The following CD48 variants were observed in gnomAD, a reference collection of about 807,000 sequenced individuals.
CD48 encodes the protein CD48 molecule, also known as CD48 antigen.
A neutral mutation model predicts 22.0 loss-of-function variants in CD48; 20 were observed. The observed-to-expected ratio is 0.91, with a 90% CI of 0.64 to 1.32. CD48 has a LOEUF of 1.32. Ranked by LOEUF, CD48 falls within the 40% of genes most tolerant of loss-of-function variation. CD48 has a pLI of 0.00. For synonymous variants in CD48, 110 were observed against 110.1 expected, an observed-to-expected ratio of 1.00 and a Z score of 0.01; for missense variants, 307 against 286.5, an observed-to-expected ratio of 1.07 and a Z score of -0.52.
In CD48 at chr1:160,681,184, C is replaced by T. The variant is rs267598123; in HGVS notation, c.652+18G>A. On this transcript the variant is annotated intron_variant, in intron 3 of 3. Transcript: ENST00000368046. ...CAGTTACCCTGTGCCCCCCTCAGCT[C>T]CCAGGGATCCTTCTTACCCAGGGTA... The T allele has an allele frequency of 1.2e-6, 2 of 1,614,026 alleles. No individual in the cohort carries two copies. Among genetic ancestry groups the T allele is most frequent in the East Asian group, 2.2e-5 (1 of 44,884 alleles).
chr1:160,708,085 G>C (rs1467598531), intron 1 of CD48, among the ~76,000 whole-genome samples: 1 of 152,176 alleles, frequency 6.6e-6, no homozygotes, highest in Non-Finnish European at 1.5e-5. Flanking sequence ...TGAATTTGGG[G>C]GTTGAGAATG....
chr1:160,704,618 G>A (rs1009347327), intron 1 of CD48, among the ~76,000 whole-genome samples: 1 of 152,204 alleles, frequency 6.6e-6, no homozygotes, highest in Non-Finnish European at 1.5e-5. Context: ...TATTGTGGAA[G>A]CACGAAGGCA....
intron 1 of CD48, among the ~76,000 whole-genome samples, chr1:160,685,703 A>C (rs1661973108): frequency 6.6e-6 from 1 of 152,212 alleles, no homozygotes; most frequent in East Asian, 1.9e-4. Context: ...GACTATAATA[A>C]AGGTAACGTG....
chr1:160,688,644 C>T (rs1662084826), intron 1 of CD48, among the ~76,000 whole-genome samples: 1 of 152,240 alleles, frequency 6.6e-6, no homozygotes, highest in South Asian at 2.1e-4. Flanking sequence ...AATAGTTTTC[C>T]CTTCCCATAC....
chr1:160,683,057 C>T (rs1661865113), intron 2 of CD48, among the ~76,000 whole-genome samples: 1 of 152,228 alleles, frequency 6.6e-6, no homozygotes, highest in South Asian at 2.1e-4. Flanking sequence ...TGAAGCTGAT[C>T]TCAGATCGCT....
At chr1:160,709,516 G>T (rs2102444327) in intron 1 of CD48, among the ~76,000 whole-genome samples, 1 of 152,286 alleles carries the variant, frequency 6.6e-6, no homozygotes, top group African/African-American at 2.4e-5. Flanking sequence ...CTCATTTCTA[G>T]TACAATACTC....
chr1:160,698,991 A>T (rs1386846676), intron 1 of CD48: 1 of 152,204 alleles, frequency 6.6e-6, no homozygotes, highest in Non-Finnish European at 1.5e-5. Flanking sequence ...AGAGACAGTG[A>T]CATCGAGAAC....
At chr1:160,694,451 A>G (rs9730047) in intron 1 of CD48, among the ~76,000 whole-genome samples, 45,369 of 148,572 alleles carry the variant, frequency 0.31, 7,712 homozygotes, top group Non-Finnish European at 0.39. Context: ...ACTTGTCGGC[A>G]TAGTCACAGC....
At chr1:160,689,341 G>A (rs1451192224) in intron 1 of CD48, among the ~76,000 whole-genome samples, 1 of 151,296 alleles carries the variant, frequency 6.6e-6, no homozygotes, top group Non-Finnish European at 1.5e-5. Context: ...CATCTATCTA[G>A]GTGAGAGGTC....
At chr1:160,690,115 T>G (rs1662154285) in intron 1 of CD48, among the ~76,000 whole-genome samples, 1 of 152,224 alleles carries the variant, frequency 6.6e-6, no homozygotes, top group African/African-American at 2.4e-5. Context: ...CCTTGAGGAT[T>G]GTAAGGGATT....
At chr1:160,701,860 C>T (rs1343241397) in intron 1 of CD48, among the ~76,000 whole-genome samples, 3 of 152,118 alleles carry the variant, frequency 2.0e-5, no homozygotes, top group Non-Finnish European at 4.4e-5. Flanking sequence ...ACAGAAACTT[C>T]GGCACCAGTA....
At chr1:160,686,978 G>T (rs919950026) in intron 1 of CD48, among the ~76,000 whole-genome samples, 1 of 152,174 alleles carries the variant, frequency 6.6e-6, no homozygotes, top group African/African-American at 2.4e-5. Flanking sequence ...TATTAGGCAG[G>T]AGTTTTCTCT....
chr1:160,688,356 C>T (rs542873987), intron 1 of CD48, among the ~76,000 whole-genome samples: 1 of 152,252 alleles, frequency 6.6e-6, no homozygotes, highest in East Asian at 1.9e-4. Context: ...TTCGCAAGGT[C>T]TAGGTAAAGT....
At chr1:160,684,706 G>T in intron 2 of CD48, 181 bp downstream of exon 2, 1 of 1,508,290 alleles carries the variant, frequency 6.6e-7, no homozygotes, top group Non-Finnish European at 8.9e-7. Context: ...TTGTTAATTT[G>T]GATATCTGTT....
intron 1 of CD48, among the ~76,000 whole-genome samples, chr1:160,687,060 A>G (rs939942903): frequency 2.0e-5 from 3 of 152,184 alleles, no homozygotes; most frequent in African/African-American, 7.2e-5. Flanking sequence ...CATAAGAGAC[A>G]GGAGCACCTG....
At chr1:160,689,163 G>T (rs1167585666) in intron 1 of CD48, among the ~76,000 whole-genome samples, 1 of 152,160 alleles carries the variant, frequency 6.6e-6, no homozygotes, top group Non-Finnish European at 1.5e-5. Context: ...GCCTAGAATT[G>T]AGTTTCTAGG....
chr1:160,690,298 T>C (rs1330641944), intron 1 of CD48, among the ~76,000 whole-genome samples: 1 of 152,176 alleles, frequency 6.6e-6, no homozygotes, highest in Non-Finnish European at 1.5e-5. Flanking sequence ...GTAGCCCAGA[T>C]AAAACCTGAG....
At chr1:160,679,236 G>A in intron 3 of CD48, 105 bp from the exon 4 acceptor site, 1 of 839,932 alleles carries the variant, frequency 1.2e-6, no homozygotes, top group Admixed American at 2.1e-5. Flanking sequence ...CACAGAGCAG[G>A]GAAATTAATT....
chr1:160,701,484 G>A (rs1181103158), intron 1 of CD48, among the ~76,000 whole-genome samples: 1 of 151,958 alleles, frequency 6.6e-6, no homozygotes, highest in Non-Finnish European at 1.5e-5. Flanking sequence ...ATGGGATCAG[G>A]AGGTATGGCA....
Sources: allele counts gnomAD v4.1 joint callset (sites outside exome capture counted in the v4.1 genomes callset), GRCh38; gene constraint gnomAD v4.1.1; transcripts MANE v1.5; gene names NCBI Gene and HGNC (gene_info 2026-07-23, HGNC 2026-07-21).